Variants in LARGE1 observed in about 807,000 individuals in gnomAD.
LARGE1 encodes the protein LARGE xylosyl- and glucuronyltransferase 1.
In LARGE1, 43 loss-of-function variants were observed where a neutral mutation model predicts 87.6. The observed-to-expected ratio is 0.49, with a 90% CI of 0.38 to 0.63. The LOEUF (loss-of-function observed/expected upper bound fraction) is 0.63, where lower values mean the gene tolerates loss of function less well. Among genes scored for constraint, LARGE1 ranks in the 30% least tolerant of loss-of-function variants. The pLI is 0.00. For missense variants in LARGE1, 802 were observed against 1,000.2 expected (o/e 0.80, Z 2.67); for synonymous variants, 434 against 394.6 (o/e 1.10, Z -1.18).
At chr22:33,403,880 G>T (rs112943092) in intron 7 of LARGE1, among the ~76,000 whole-genome samples, 1 of 152,158 alleles carries the variant, frequency 6.6e-6, no homozygotes, top group African/African-American at 2.4e-5. Context: ...TTACAGGCGT[G>T]AGCCACCGCG....
At chr22:33,630,723 T>C (rs2080083172) in intron 3 of LARGE1, among the ~76,000 whole-genome samples, 2 of 152,236 alleles carry the variant, frequency 1.3e-5, no homozygotes, top group African/African-American at 4.8e-5. Flanking sequence ...TACACTACTG[T>C]GTACACTTAG....
At chr22:33,661,719 C>T (rs2081128635) in intron 2 of LARGE1, among the ~76,000 whole-genome samples, 1 of 151,884 alleles carries the variant, frequency 6.6e-6, no homozygotes, top group East Asian at 1.9e-4. Flanking sequence ...AAGTGAAATT[C>T]AGATCTACAG....
intron 3 of LARGE1, among the ~76,000 whole-genome samples, chr22:33,628,465 C>G (rs1366445563): frequency 2.0e-5 from 3 of 152,084 alleles, no homozygotes; most frequent in African/African-American, 7.2e-5. Flanking sequence ...TACAAGCACC[C>G]ACTACTACGT....
intron 9 of LARGE1, among the ~76,000 whole-genome samples, chr22:33,362,132 C>A (rs1468647241): frequency 1.3e-5 from 2 of 149,190 alleles, no homozygotes; most frequent in Non-Finnish European, 3.0e-5. Flanking sequence ...AAAGATGCTC[C>A]CTTGGGCCCT....
At chr22:33,797,721 C>A (rs2086030673) in intron 1 of LARGE1, among the ~76,000 whole-genome samples, 1 of 152,224 alleles carries the variant, frequency 6.6e-6, no homozygotes, top group Non-Finnish European at 1.5e-5. Flanking sequence ...CTGCTTCTCA[C>A]AACCAAAGGC....
In LARGE1 at chr22:33,274,506, T is replaced by C. The variant is rs1289745709; in HGVS notation, c.2192A>G (p.Lys731Arg). 1.2e-6 allele frequency: 2 copies of C among 1,613,998 alleles called. No homozygotes were observed. Among genetic ancestry groups the C allele is most frequent in the East Asian group, 2.2e-5 (1 of 44,888 alleles). ...GGACATGTCCTGCTGAAACTCTTCC[T>C]TGAGGGTTTTGAGACAGATGCGGTA... is the stretch of plus-strand genomic sequence containing the variant. ...KQYRICLKTL[K>R]EEFQQDMSRR... The change falls in exon 15 of 15, where the codon AAG becomes AGG. Residue 731 changes from lysine to arginine, a missense_variant. Transcript: ENST00000397394.
chr22:33,362,686 A>G (rs1258673352), intron 9 of LARGE1, among the ~76,000 whole-genome samples: 1 of 150,126 alleles, frequency 6.7e-6, no homozygotes, highest in East Asian at 1.9e-4. Flanking sequence ...ATCTAATTAA[A>G]TATTATTTGA....
chr22:33,397,419 C>T (rs1315342255), intron 7 of LARGE1, among the ~76,000 whole-genome samples: 1 of 152,182 alleles, frequency 6.6e-6, no homozygotes, highest in African/African-American at 2.4e-5. Flanking sequence ...CTGCCCTCAT[C>T]TCGCCTTCTT....
At chr22:33,208,727 C>T (rs1924813244) in intron 11 of LARGE1, among the ~76,000 whole-genome samples, 1 of 152,160 alleles carries the variant, frequency 6.6e-6, no homozygotes, top group South Asian at 2.1e-4. Flanking sequence ...GCCCTAACCC[C>T]CACCACCAGA....
At chr22:33,489,806 C>G (rs1258341848) in intron 6 of LARGE1, among the ~76,000 whole-genome samples, 1 of 152,180 alleles carries the variant, frequency 6.6e-6, no homozygotes, top group African/African-American at 2.4e-5. Context: ...CTTGAGGGAG[C>G]TGACATCCTA....
chr22:33,336,564 A>T (rs114773734), intron 10 of LARGE1, among the ~76,000 whole-genome samples: 1,723 of 152,260 alleles, frequency 0.011, 38 homozygotes, highest in African/African-American at 0.038. Context: ...TGAGTCACTT[A>T]TCTGAGATCA....
chr22:33,289,002 A>G (rs1220952727), intron 12 of LARGE1, among the ~76,000 whole-genome samples: 1 of 152,104 alleles, frequency 6.6e-6, no homozygotes, highest in East Asian at 1.9e-4. Context: ...TCTGTTGCCC[A>G]GGCTGGAGTG....
exon 12 of LARGE1, chr22:33,165,870 GC>G (rs1429607426): frequency 6.6e-6 from 1 of 152,162 alleles, no homozygotes; most frequent in Non-Finnish European, 1.5e-5. Flanking sequence ...CCAACTCTAT[GC>G]TGGACACTGT....
chr22:33,422,053 T>G (rs2066712891), intron 7 of LARGE1, among the ~76,000 whole-genome samples: 1 of 152,242 alleles, frequency 6.6e-6, no homozygotes, highest in Non-Finnish European at 1.5e-5. Flanking sequence ...AGCATTATCT[T>G]ACTCATTGCT....
intron 1 of LARGE1, chr22:33,856,776 A>C (rs187694737): frequency 6.6e-6 from 1 of 152,302 alleles, no homozygotes; most frequent in Admixed American, 6.5e-5. Flanking sequence ...CGGCTGATGC[A>C]TCTGAATGCG....
At chr22:33,561,269 C>G (rs1199724582) in intron 6 of LARGE1, among the ~76,000 whole-genome samples, 1 of 152,174 alleles carries the variant, frequency 6.6e-6, no homozygotes, top group Admixed American at 6.6e-5. Flanking sequence ...TTTGCGCCTT[C>G]CATTGAAGAA....
intron 6 of LARGE1, among the ~76,000 whole-genome samples, chr22:33,455,474 A>G (rs1217119542): frequency 6.6e-6 from 1 of 152,082 alleles, no homozygotes; most frequent in Non-Finnish European, 1.5e-5. Context: ...GTGAGCTGCT[A>G]AAAAAATTGC....
Position 33,538,755 on chromosome 22 carries a change from A to G in LARGE1, c.787+26093T>C, listed in dbSNP as rs73882248. ...GGGGAAGGCCACTGGAGGACAAGGA[A>G]GCCGTCTACAAGAGATTACTCACTG... On this transcript the variant is annotated intron_variant, in intron 6 of 14. Transcript: ENST00000397394. Among the ~76,000 whole-genome samples, 956 of 152,300 alleles carry G rather than the reference A, an allele frequency of 6.3e-3. 4 individuals are homozygous for G. The highest frequency in any genetic ancestry group is 0.023 in the African/African-American group (940 of 41,578).
chr22:33,356,447 A>ATGTCC (rs1569088905), intron 9 of LARGE1, among the ~76,000 whole-genome samples: 2 of 152,076 alleles, frequency 1.3e-5, no homozygotes, highest in African/African-American at 2.4e-5. Context: ...AAGGTGTTTA[A>ATGTCC]CCTTTGTGTG....
Sources: allele counts gnomAD v4.1 joint callset (sites outside exome capture counted in the v4.1 genomes callset), GRCh38; gene constraint gnomAD v4.1.1; transcripts MANE v1.5; gene names NCBI Gene and HGNC (gene_info 2026-07-23, HGNC 2026-07-21).